COMMD10: variants seen among roughly 807,000 people sequenced by gnomAD.
COMMD10 encodes the protein COMM domain-containing protein 10.
Under a neutral mutation model 28.9 loss-of-function variants are expected in COMMD10, and 33 were observed. That is an observed-to-expected ratio of 1.14 (90% CI 0.87 to 1.53). The LOEUF is 1.53. COMMD10 is among the 40% of genes most tolerant of loss of function. The pLI is 0.00. For missense variants in COMMD10, 310 were observed against 233.4 expected (o/e 1.33, Z -2.14); for synonymous variants, 110 against 81.7 (o/e 1.35, Z -1.87).
At chr5:116,236,894 G>A (rs1308697267) in intron 5 of COMMD10, among the ~76,000 whole-genome samples, 1 of 152,050 alleles carries the variant, frequency 6.6e-6, no homozygotes, top group Non-Finnish European at 1.5e-5. Context: ...ATAATAGTAG[G>A]GGTTATATGG....
chr5:116,245,001 G>A (rs1030956583), intron 5 of COMMD10, among the ~76,000 whole-genome samples: 1 of 150,806 alleles, frequency 6.6e-6, no homozygotes, highest in Middle Eastern at 3.2e-3. Context: ...AATTGAAGGA[G>A]ATTGAGATAA....
chr5:116,222,812 C>T (rs1749297113), intron 5 of COMMD10, among the ~76,000 whole-genome samples: 1 of 152,154 alleles, frequency 6.6e-6, no homozygotes, highest in Admixed American at 6.5e-5. Context: ...CTGCCTCAGC[C>T]TCCCAAGTAG....
intron 5 of COMMD10, among the ~76,000 whole-genome samples, chr5:116,157,939 C>CT (rs76882415): frequency 0.3 from 40,732 of 137,824 alleles, 7,659 homozygotes; most frequent in African/African-American, 0.56. Flanking sequence ...CTTTCCTTTA[C>CT]TTTTTTTTTT....
At chr5:116,226,575 A>T (rs994577538) in intron 5 of COMMD10, among the ~76,000 whole-genome samples, 1 of 152,068 alleles carries the variant, frequency 6.6e-6, no homozygotes, top group African/African-American at 2.4e-5. Context: ...ATAGTTCGGC[A>T]TTGAACTTAG....
In COMMD10 at chr5:116,117,757, C is replaced by T. The variant is rs368159896; in HGVS notation, c.400-16311C>T. ...CTAGGATTACAGGTGTGAGCCACCA[C>T]ACCTGGCCTGATTTTAGTCATTCTT... On this transcript the variant is annotated intron_variant, in intron 4 of 6. Coordinates refer to ENST00000274458, the MANE Select transcript of COMMD10 (RefSeq NM_016144.4). 3.5e-4 allele frequency among the ~76,000 whole-genome samples: 53 copies of T among 152,206 alleles called. No homozygotes were observed. In the East Asian group the frequency reaches 8.7e-3, roughly 25 times the overall value.
At chr5:116,160,800 A>G (rs569769557) in intron 5 of COMMD10, among the ~76,000 whole-genome samples, 9 of 152,232 alleles carry the variant, frequency 5.9e-5, no homozygotes, top group African/African-American at 2.2e-4. Flanking sequence ...TAGGAAGAGG[A>G]TGTAGGAGAA....
intron 5 of COMMD10, among the ~76,000 whole-genome samples, chr5:116,168,294 A>G (rs1753201054): frequency 6.6e-6 from 1 of 152,214 alleles, no homozygotes; most frequent in Non-Finnish European, 1.5e-5. Context: ...TAACTTTCTT[A>G]AATATATATG....
intron 5 of COMMD10, among the ~76,000 whole-genome samples, chr5:116,150,349 TG>T (rs1752483389): frequency 6.6e-6 from 1 of 152,160 alleles, no homozygotes; most frequent in Non-Finnish European, 1.5e-5. Context: ...GGCTCTTTTT[TG>T]GTTCCATATG....
At chr5:116,208,189 G>C (rs1748867441) in intron 5 of COMMD10, among the ~76,000 whole-genome samples, 1 of 152,200 alleles carries the variant, frequency 6.6e-6, no homozygotes, top group South Asian at 2.1e-4. Flanking sequence ...ACTGATGTTA[G>C]AAAAGGGAAC....
At chr5:116,194,658 G>C (rs1298707128) in intron 5 of COMMD10, among the ~76,000 whole-genome samples, 1 of 152,134 alleles carries the variant, frequency 6.6e-6, no homozygotes, top group Non-Finnish European at 1.5e-5. Context: ...ATAACAAGCA[G>C]TGAGATTGAA....
chr5:116,212,496 C>CTGTG (rs11268771), intron 5 of COMMD10, among the ~76,000 whole-genome samples: 9 of 63,868 alleles, frequency 1.4e-4, no homozygotes, highest in African/African-American at 2.2e-4. Context: ...TACTGAAATG[C>CTGTG]TGTGTGTGTG....
At chr5:116,161,768 C>T (rs1483896509) in intron 5 of COMMD10, among the ~76,000 whole-genome samples, 1 of 152,118 alleles carries the variant, frequency 6.6e-6, no homozygotes, top group Non-Finnish European at 1.5e-5. Context: ...AAGGGTTGCT[C>T]TTGCCATCTC....
At chr5:116,132,983 A>G (rs987491074) in intron 4 of COMMD10, among the ~76,000 whole-genome samples, 2 of 152,150 alleles carry the variant, frequency 1.3e-5, no homozygotes, top group Non-Finnish European at 2.9e-5. Flanking sequence ...TCTCAAATAG[A>G]TAATACTTCC....
chr5:116,239,441 G>A (rs1307012950), intron 5 of COMMD10, among the ~76,000 whole-genome samples: 1 of 152,060 alleles, frequency 6.6e-6, no homozygotes, highest in Non-Finnish European at 1.5e-5. Context: ...TAAAAAACTC[G>A]TATCATGATT....
intron 5 of COMMD10, among the ~76,000 whole-genome samples, chr5:116,209,736 G>A (rs1748910687): frequency 6.6e-6 from 1 of 151,972 alleles, no homozygotes; most frequent in South Asian, 2.1e-4. Flanking sequence ...CTTTCTCCAC[G>A]CGTCTCTTAA....
At chr5:116,121,624 C>T (rs1050547446) in intron 4 of COMMD10, among the ~76,000 whole-genome samples, 2 of 152,164 alleles carry the variant, frequency 1.3e-5, no homozygotes, top group African/African-American at 2.4e-5. Flanking sequence ...CCTATTTCTC[C>T]ACATCCTCTT....
At chr5:116,130,625 T>G (rs1355440911) in intron 4 of COMMD10, among the ~76,000 whole-genome samples, 1 of 151,976 alleles carries the variant, frequency 6.6e-6, no homozygotes, top group Non-Finnish European at 1.5e-5. Context: ...TGAGACAAGT[T>G]TCTATACTTT....
chr5:116,135,477 G>A (rs578231424), intron 5 of COMMD10, among the ~76,000 whole-genome samples: 20 of 152,238 alleles, frequency 1.3e-4, no homozygotes, highest in Non-Finnish European at 2.4e-4. Flanking sequence ...TCACTGGAAC[G>A]TAATATGAAC....
chr5:116,111,323 C>T (rs910582861), intron 4 of COMMD10, among the ~76,000 whole-genome samples: 11 of 149,780 alleles, frequency 7.3e-5, no homozygotes, highest in Admixed American at 6.7e-5. Context: ...GTGTTTGGTT[C>T]GTTCTTGCTT....
Sources: gnomAD v4.1 joint callset for allele counts (sites outside exome capture counted in the v4.1 genomes callset) on GRCh38, gnomAD v4.1.1 for gene constraint, MANE v1.5 for transcripts, NCBI Gene and HGNC (gene_info 2026-07-23, HGNC 2026-07-21) for gene names.